The following WWOX variants were observed in gnomAD, a reference collection of about 807,000 sequenced individuals.
The protein encoded by WWOX is WW domain containing oxidoreductase, also known as WW domain-containing oxidoreductase.
Under a neutral mutation model 46.2 loss-of-function variants are expected in WWOX, and 69 were observed. The ratio of observed to expected loss-of-function variants is 1.49; its 90% CI spans 1.23 to 1.82. The LOEUF is 1.82. Among genes scored for constraint, WWOX ranks in the 40% most tolerant of loss-of-function variants. WWOX has a pLI of 0.00. For synonymous variants in WWOX, 359 were observed against 202.6 expected (o/e 1.77, Z -6.56); for missense variants, 919 against 542.6 (o/e 1.69, Z -6.89).
intron 5 of WWOX, among the ~76,000 whole-genome samples, chr16:78,217,287 C>G (rs187785195): frequency 3.4e-4 from 52 of 152,296 alleles, no homozygotes; most frequent in Admixed American, 4.6e-4. Context: ...TTATCAGTTC[C>G]TAGCACCACT....
At chr16:78,865,657 A>G (rs910743156) in intron 8 of WWOX, among the ~76,000 whole-genome samples, 2 of 152,134 alleles carry the variant, frequency 1.3e-5, no homozygotes, top group African/African-American at 2.4e-5. Context: ...AGGTGGGTGG[A>G]TCACCTGAGG....
intron 4 of WWOX, among the ~76,000 whole-genome samples, chr16:78,157,982 A>T (rs1449245422): frequency 1.3e-5 from 2 of 152,210 alleles, no homozygotes; most frequent in African/African-American, 4.8e-5. Context: ...CTTATTCCCC[A>T]TTTTACAGAA....
At chr16:78,666,020 C>T (rs2047325176) in intron 8 of WWOX, among the ~76,000 whole-genome samples, 1 of 151,690 alleles carries the variant, frequency 6.6e-6, no homozygotes, top group Non-Finnish European at 1.5e-5. Context: ...CACAGTGGCT[C>T]ATGCCTGTAA....
chr16:78,692,963 C>G lies in WWOX; in HGVS notation c.1056+260211C>G, dbSNP rs558865793. Among the ~76,000 whole-genome samples, 4 of 152,188 alleles carry G rather than the reference C, an allele frequency of 2.6e-5. 1 individual carries two copies. The highest frequency in any genetic ancestry group is 6.5e-5 in the Admixed American group (1 of 15,276). Reference sequence around the variant, plus strand: ...AACTTGAGTTATTAAACACCCTTCTCTCCCTGGGGATGCCTTTTGCTATGG... The same window carrying G: ...AACTTGAGTTATTAAACACCCTTCTGTCCCTGGGGATGCCTTTTGCTATGG... On this transcript the variant is annotated intron_variant, in intron 8 of 8. Coordinates refer to ENST00000566780, the MANE Select transcript of WWOX (RefSeq NM_016373.4).
chr16:78,978,013 A>T, intron 8 of WWOX, among the ~76,000 whole-genome samples: 1 of 152,202 alleles, frequency 6.6e-6, no homozygotes, highest in East Asian at 1.9e-4. Flanking sequence ...CCCACAATAA[A>T]AGTCTGTACC....
At chr16:78,905,849 C>T (rs1367625927) in intron 8 of WWOX, among the ~76,000 whole-genome samples, 1 of 152,192 alleles carries the variant, frequency 6.6e-6, no homozygotes, top group Admixed American at 6.5e-5. Flanking sequence ...TTGCATCAAA[C>T]ACGTTTCCAC....
At position 78,960,617 on chromosome 16, in the gene WWOX, A is replaced by T. The variant is rs199884202; in HGVS notation, c.1057-250991A>T. On this transcript the variant is annotated intron_variant, in intron 8 of 8. Transcript: ENST00000566780. Reference sequence around the variant, plus strand: ...CAGATCCATTGGTCAGAAATAAGGAAATTGTCTCTACCTTCAAGGTTCTCA... The same window carrying T: ...CAGATCCATTGGTCAGAAATAAGGATATTGTCTCTACCTTCAAGGTTCTCA... 6.6e-5 allele frequency among the ~76,000 whole-genome samples: 10 copies of T among 152,308 alleles called. No individual in the cohort carries two copies. In the East Asian group the frequency reaches 1.9e-3, roughly 29 times the overall value.
At chr16:79,159,473 C>T (rs1344945875) in intron 8 of WWOX, among the ~76,000 whole-genome samples, 1 of 152,182 alleles carries the variant, frequency 6.6e-6, no homozygotes, top group Non-Finnish European at 1.5e-5. Flanking sequence ...TTATATCACA[C>T]CTTCTACTGG....
At chr16:78,800,041 A>G (rs906165293) in intron 8 of WWOX, among the ~76,000 whole-genome samples, 1 of 152,144 alleles carries the variant, frequency 6.6e-6, no homozygotes. Flanking sequence ...GGGAAGGAAC[A>G]CTTGGGTTTC....
At chr16:78,662,328 C>G (rs1201705293) in intron 8 of WWOX, among the ~76,000 whole-genome samples, 1 of 152,200 alleles carries the variant, frequency 6.6e-6, no homozygotes, top group African/African-American at 2.4e-5. Context: ...AGCATTTCAT[C>G]TGCATATACA....
intron 8 of WWOX, among the ~76,000 whole-genome samples, chr16:78,466,015 T>G (rs2084068597): frequency 6.8e-6 from 1 of 147,446 alleles, no homozygotes; most frequent in African/African-American, 2.6e-5. Context: ...GAGTACAAGT[T>G]TCTTTAGTTT....
intron 8 of WWOX, among the ~76,000 whole-genome samples, chr16:78,523,859 A>G (rs1377799050): frequency 6.6e-6 from 1 of 152,230 alleles, no homozygotes; most frequent in East Asian, 1.9e-4. Flanking sequence ...TAGTGCAGCT[A>G]GGAGCTAGAG....
intron 8 of WWOX, among the ~76,000 whole-genome samples, chr16:78,949,091 G>T (rs1399321634): frequency 6.6e-6 from 1 of 152,160 alleles, no homozygotes; most frequent in Non-Finnish European, 1.5e-5. Flanking sequence ...CAATAGCATG[G>T]AAAACGGGGA....
chr16:78,605,173 G>T (rs531235330), intron 8 of WWOX, among the ~76,000 whole-genome samples: 2 of 151,194 alleles, frequency 1.3e-5, no homozygotes, highest in East Asian at 4.0e-4. Flanking sequence ...AGGAATGCCT[G>T]ATGTATCTGT....
intron 8 of WWOX, among the ~76,000 whole-genome samples, chr16:79,161,643 T>G (rs548627330): frequency 3.9e-4 from 59 of 152,108 alleles, no homozygotes; most frequent in Non-Finnish European, 6.9e-4. Flanking sequence ...CTGCCTCAGC[T>G]TCCCGAGTAG....
chr16:78,102,918 A>C (rs1486259353), intron 1 of WWOX, among the ~76,000 whole-genome samples: 2 of 152,144 alleles, frequency 1.3e-5, no homozygotes, highest in Non-Finnish European at 2.9e-5. Context: ...CAGAGTACAA[A>C]GATGCACATG....
chr16:78,238,625 T>G (rs922239422), intron 5 of WWOX, among the ~76,000 whole-genome samples: 8 of 152,188 alleles, frequency 5.3e-5, no homozygotes, highest in Middle Eastern at 3.4e-3. Context: ...AATTACTTTT[T>G]TTGTTGTTGT....
At chr16:78,520,039 T>C (rs2043315481) in intron 8 of WWOX, among the ~76,000 whole-genome samples, 1 of 152,218 alleles carries the variant, frequency 6.6e-6, no homozygotes, top group Non-Finnish European at 1.5e-5. Context: ...ATGCAGTCAT[T>C]TCCCAGATGG....
intron 8 of WWOX, among the ~76,000 whole-genome samples, chr16:78,536,084 TG>T (rs1343965383): frequency 6.6e-6 from 1 of 152,210 alleles, no homozygotes; most frequent in Admixed American, 6.5e-5. Context: ...TTGCTTGCCA[TG>T]GGGCCTTGTA....
Sources: allele counts gnomAD v4.1 joint callset (sites outside exome capture counted in the v4.1 genomes callset), GRCh38; gene constraint gnomAD v4.1.1; transcripts MANE v1.5; gene names NCBI Gene and HGNC (gene_info 2026-07-23, HGNC 2026-07-21).